The following ZC3H6 variants were observed in gnomAD, a reference collection of about 807,000 sequenced individuals.
ZC3H6 encodes the protein zinc finger CCCH domain-containing protein 6.
ZC3H6 carries 40 observed loss-of-function variants against 107.7 expected under a neutral mutation model. The observed-to-expected ratio is 0.37, with a 90% CI of 0.29 to 0.48. The LOEUF (loss-of-function observed/expected upper bound fraction) is 0.48, where lower values mean the gene tolerates loss of function less well. Ranked by LOEUF, ZC3H6 falls within the 20% of genes least tolerant of loss-of-function variation. The pLI, the probability that ZC3H6 is intolerant of heterozygous loss-of-function variation, is 0.98. For missense variants in ZC3H6, 1,267 were observed against 1,410.4 expected, an observed-to-expected ratio of 0.90 and a Z score of 1.63; for synonymous variants, 493 against 487.9, an observed-to-expected ratio of 1.01 and a Z score of -0.14.
chr2:112,297,702 A>G (rs1160742590), intron 1 of ZC3H6, among the ~76,000 whole-genome samples: 1 of 152,264 alleles, frequency 6.6e-6, no homozygotes, highest in Non-Finnish European at 1.5e-5. Flanking sequence ...TAGTTCTACT[A>G]TGAATCTTTT....
chr2:112,334,683 T>C lies in ZC3H6; in HGVS notation c.*2195T>C, dbSNP rs555690326. 1.3e-5 allele frequency: 2 copies of C among 152,572 alleles called. No individual in the cohort carries two copies. Among genetic ancestry groups the C allele is most frequent in the Non-Finnish European group, 2.9e-5 (2 of 67,994 alleles). The allele number at this position is 152,572 out of a possible 1,614,324, so 9.5% of individuals were successfully genotyped here. On this transcript the variant is annotated 3_prime_UTR_variant, in exon 12 of 12. Transcript: ENST00000409871. ...AAATGTTTATGTTTAAAATAACTTA[T>C]TTATTATGCAGCATTTTTATTGTGA...
chr2:112,303,188 C>T, intron 2 of ZC3H6, 41 bp from the exon 3 acceptor site: 3 of 1,581,558 alleles, frequency 1.9e-6, no homozygotes, highest in Non-Finnish European at 2.6e-6. Flanking sequence ...AATTTTCTTC[C>T]TTTTGCAAAT....
chr2:112,324,360 C>A lies in ZC3H6; in HGVS notation c.1549C>A (p.Pro517Thr), dbSNP rs778627988. ...TGGTCTACCAGTGCCACAGAGCCCA[C>A]CTTTACCACCTGGTCCACCTGAAAT... The part of the protein sequence containing the change: ...PPGLPVPQSP[P>T]LPPGPPEIVG... The change falls in exon 10 of 12, where the codon CCT (proline) becomes ACT (threonine). Residue 517 changes from proline to threonine, a missense_variant. By Grantham distance (38) the Pro-to-Thr change is conservative. Transcript: ENST00000409871. The A allele has an allele frequency of 6.2e-6, 10 of 1,614,030 alleles. No homozygotes were observed. The South Asian group carries it at 1.1e-4, about 18-fold the overall frequency.
Position 112,335,894 on chromosome 2 carries a change from T to C in ZC3H6, c.*3406T>C, listed in dbSNP as rs773043429. On this transcript the variant is annotated 3_prime_UTR_variant, in exon 12 of 12. Coordinates refer to ENST00000409871, the MANE Select transcript of ZC3H6 (RefSeq NM_198581.3). ...TTGGGCCTCTTCAAGATCTGACTTC[T>C]CTGCACATTCTATACAGGTTGGATA... is the stretch of plus-strand genomic sequence containing the variant. 6.6e-6 allele frequency: 1 copy of C among 152,216 alleles called. No homozygotes were observed. Among genetic ancestry groups the C allele is most frequent in the Non-Finnish European group, 1.5e-5 (1 of 68,046 alleles). 9.4% of individuals were successfully genotyped at this position (152,216 alleles called of 1,614,324 possible).
Position 112,337,942 on chromosome 2 carries a change from T to A in ZC3H6, c.*5454T>A, listed in dbSNP as rs1240543852. On this transcript the variant is annotated 3_prime_UTR_variant, in exon 12 of 12. Transcript: ENST00000409871. ...TGGCCCAGTCTTTTTTTTTAATTAT[T>A]ATTTATTTTTATTTATTTATTTTTT... 6.8e-6 allele frequency: 1 copy of A among 147,566 alleles called. No individual in the cohort carries two copies. The highest frequency in any genetic ancestry group is 1.5e-5 in the Non-Finnish European group (1 of 66,970). The allele number at this position is 147,566 out of a possible 1,614,324, so 9.1% of individuals were successfully genotyped here. A position where few individuals can be genotyped will look rare whatever the true frequency, so the allele number is the denominator to read the frequency against.
chr2:112,309,816 G>A (rs1213541118), intron 3 of ZC3H6, 69 bp from the exon 4 acceptor site: 1 of 1,449,212 alleles, frequency 6.9e-7, no homozygotes, highest in Non-Finnish European at 9.2e-7. Context: ...GGAAAAGGAT[G>A]TCCTGTGCTA....
chr2:112,287,598 TG>T (rs980632579), intron 1 of ZC3H6, among the ~76,000 whole-genome samples: 2 of 152,128 alleles, frequency 1.3e-5, no homozygotes, highest in Non-Finnish European at 2.9e-5. Flanking sequence ...ACAAATTTGT[TG>T]GAAAAAAAAT....
At chr2:112,306,853 C>T (rs1676486124) in intron 3 of ZC3H6, among the ~76,000 whole-genome samples, 1 of 152,148 alleles carries the variant, frequency 6.6e-6, no homozygotes, top group South Asian at 2.1e-4. Flanking sequence ...CAGAGACAGT[C>T]TAAAGTGCTG....
chr2:112,314,197 A>AT (rs201965344), intron 5 of ZC3H6, among the ~76,000 whole-genome samples: 3 of 80,998 alleles, frequency 3.7e-5, no homozygotes, highest in Admixed American at 1.2e-4. Flanking sequence ...TCATTCTTGT[A>AT]TTTTTTTTTA....
rs199593500 is a variant in ZC3H6 at position 112,331,781 on chromosome 2, G to C, written c.2863G>C (p.Gly955Arg). The C allele has an allele frequency of 3.7e-6, 6 of 1,613,508 alleles. No individual in the cohort carries two copies. In the Admixed American group the frequency reaches 8.3e-5, roughly 22 times the overall value. Residue 955 changes from glycine (G) to arginine (R), a missense_variant, in exon 12 of 12, where the codon GGT (glycine) becomes CGT (arginine). Around this residue, in one of 3 missense-constraint regions of ZC3H6, gnomAD observed 925 missense variants for 1,025.7 expected, o/e 0.90. Transcript: ENST00000409871. ...GYLEQFGDSH[G>R]SGAKLGDPRL... is the part of the protein sequence containing the mutation. ...CCTAGAACAATTTGGAGACTCACAC[G>C]GTTCAGGAGCTAAATTAGGAGATCC...
intron 11 of ZC3H6, among the ~76,000 whole-genome samples, chr2:112,329,980 T>C: frequency 6.6e-6 from 1 of 152,160 alleles, no homozygotes; most frequent in South Asian, 2.1e-4. Context: ...TTGCATCTAA[T>C]ATGCTAGAGT....
chr2:112,312,396 T>C (rs1191303051), intron 5 of ZC3H6, among the ~76,000 whole-genome samples: 1 of 152,230 alleles, frequency 6.6e-6, no homozygotes, highest in Non-Finnish European at 1.5e-5. Flanking sequence ...GGTGAACTTA[T>C]GTATGTTACA....
Position 112,275,695 on chromosome 2 carries a change from C to T in ZC3H6, c.-300C>T, listed in dbSNP as rs924869189. The T allele has an allele frequency of 1.1e-4, 48 of 419,270 alleles. 1 individual carries two copies. Among genetic ancestry groups the T allele is most frequent in the Middle Eastern group, 6.0e-4 (1 of 1,680 alleles). The allele number at this position is 419,270 out of a possible 1,614,324, so 26.0% of individuals were successfully genotyped here. On this transcript the variant is annotated 5_prime_UTR_variant, in exon 1 of 12. Transcript: ENST00000409871. ...AAATCCCCGCGTCGCTGCACGCCGC[C>T]CGCCCGCTCCCACGCCACAGCCACC...
chr2:112,324,270 C>G lies in ZC3H6; in HGVS notation c.1459C>G (p.Gln487Glu). The G allele has an allele frequency of 6.2e-7, 1 of 1,613,968 alleles. No homozygotes were observed. The highest frequency in any genetic ancestry group is 8.5e-7 in the Non-Finnish European group (1 of 1,179,832). Residue 487 changes from glutamine to glutamate, a missense_variant, in exon 10 of 12, where the codon CAG becomes GAG. Around this residue, in one of 3 missense-constraint regions of ZC3H6, gnomAD observed 925 missense variants for 1,025.7 expected, o/e 0.90. Coordinates refer to ENST00000409871, the MANE Select transcript of ZC3H6 (RefSeq NM_198581.3). Reference sequence around the variant, plus strand: ...TCCAGGTCCTGGACCTAACATGTCTCAGGGACACAGTAGTCCTGTGATGCA... The same window carrying G: ...TCCAGGTCCTGGACCTAACATGTCTGAGGGACACAGTAGTCCTGTGATGCA... Reference protein sequence around the residue: ...SSPGPGPNMSQGHSSPVMHPG... With the variant: ...SSPGPGPNMSEGHSSPVMHPG...
intron 1 of ZC3H6, among the ~76,000 whole-genome samples, chr2:112,287,767 A>G: frequency 6.6e-6 from 1 of 152,052 alleles, no homozygotes; most frequent in South Asian, 2.1e-4. Context: ...ACGCCCGGCT[A>G]ATTTTTTTGT....
chr2:112,293,956 G>A (rs1193525604), intron 1 of ZC3H6, among the ~76,000 whole-genome samples: 1 of 152,144 alleles, frequency 6.6e-6, no homozygotes, highest in Non-Finnish European at 1.5e-5. Context: ...TTTCCATCCT[G>A]TAGCTAAGTA....
In ZC3H6 at chr2:112,331,058, A is replaced by C; in HGVS notation, c.2140A>C (p.Lys714Gln). 1 of 1,579,666 alleles carries C rather than the reference A, an allele frequency of 6.3e-7. No individual in the cohort carries two copies. Among genetic ancestry groups the C allele is most frequent in the South Asian group, 1.2e-5 (1 of 85,788 alleles). Reference protein sequence around the residue: ...SSEEEEGSSVKSILKTLQKQT... With the variant: ...SSEEEEGSSVQSILKTLQKQT... ...TGAAGAGGAAGAAGGAAGCAGTGTC[A>C]AATCAATACTGAAAACATTACAGAA... The change falls in exon 12 of 12, where the codon AAA becomes CAA. Residue 714 changes from lysine (K) to glutamine (Q), a missense_variant. Lys to Gln is a moderately conservative substitution (Grantham distance 53). Coordinates refer to ENST00000409871, the MANE Select transcript of ZC3H6 (RefSeq NM_198581.3).
At chr2:112,308,919 G>A (rs1558952146) in intron 3 of ZC3H6, among the ~76,000 whole-genome samples, 1 of 151,790 alleles carries the variant, frequency 6.6e-6, no homozygotes. Flanking sequence ...GGGCATGTTG[G>A]TGCGCGCCTG....
At chr2:112,290,793 G>T (rs985761163) in intron 1 of ZC3H6, among the ~76,000 whole-genome samples, 1 of 152,150 alleles carries the variant, frequency 6.6e-6, no homozygotes, top group African/African-American at 2.4e-5. Flanking sequence ...GTAGTACTTT[G>T]TTCCTTTACA....
Sources: gnomAD v4.1 joint callset for allele counts (sites outside exome capture counted in the v4.1 genomes callset) on GRCh38, gnomAD v4.1.1 for gene constraint, gnomAD v4.1.1 regional missense constraint, MANE v1.5 for transcripts, NCBI Gene and HGNC (gene_info 2026-07-23, HGNC 2026-07-21) for gene names.